LRRC9: variants seen among roughly 807,000 people sequenced by gnomAD.
LRRC9 encodes the protein leucine rich repeat containing 9.
Under a neutral mutation model 63.2 loss-of-function variants are expected in LRRC9, and 122 were observed. The ratio of observed to expected loss-of-function variants is 1.93; its 90% CI spans 1.67 to 2.24. The LOEUF is 2.24. LRRC9 is among the 30% of genes most tolerant of loss of function. The probability of loss-of-function intolerance (pLI) is 0.00; values close to 1 mark genes in which losing one functional copy is unlikely to be tolerated. For synonymous variants in LRRC9, 366 were observed against 213.1 expected, an observed-to-expected ratio of 1.72 and a Z score of -6.25; for missense variants, 1,071 against 627.7, an observed-to-expected ratio of 1.71 and a Z score of -7.55.
chr14:60,057,862 T>C lies in LRRC9; in HGVS notation c.4132-16T>C. The stretch of plus-strand genomic sequence containing the variant: ...TGGAGATGAGATGTTATTAACTGTT[T>C]TATTTTATTATGTAGCTTATTCCTG... On this transcript the variant is annotated splice_polypyrimidine_tract_variant and intron_variant, in intron 30 of 31. Transcript: ENST00000445360. 3.1e-6 allele frequency: 2 copies of C among 642,912 alleles called. No individual in the cohort carries two copies. Among genetic ancestry groups the C allele is most frequent in the South Asian group, 1.7e-5 (1 of 58,994 alleles). 39.8% of individuals were successfully genotyped at this position (642,912 alleles called of 1,614,324 possible).
At chr14:59,965,926 T>G (rs1249102488) in intron 10 of LRRC9, among the ~76,000 whole-genome samples, 1 of 74,368 alleles carries the variant, frequency 1.3e-5, no homozygotes, top group Non-Finnish European at 2.9e-5. Context: ...AAAAAGATAC[T>G]GGTGAGGAAG....
At chr14:60,023,006 A>G (rs1891233591) in intron 27 of LRRC9, 136 bp downstream of exon 27, 3 of 404,190 alleles carry the variant, frequency 7.4e-6, no homozygotes, top group Non-Finnish European at 1.3e-5. Flanking sequence ...ATAATCACAA[A>G]TTGATTTTTC....
chr14:60,007,261 T>C (rs976866948), intron 22 of LRRC9, among the ~76,000 whole-genome samples: 1 of 152,144 alleles, frequency 6.6e-6, no homozygotes, highest in Non-Finnish European at 1.5e-5. Context: ...TCCCCCAGTA[T>C]AATTACTACT....
In LRRC9 at chr14:59,953,331, A is replaced by G. The variant is rs567252797; in HGVS notation, c.883-6487A>G. On this transcript the variant is annotated intron_variant, in intron 8 of 31. Transcript: ENST00000445360. ...CCTCTCCAGCATCTGTTGTTTCCTG[A>G]CTTTTTAATAATCACCACTCTAACA... Among the ~76,000 whole-genome samples, 15 of 152,248 alleles carry G rather than the reference A, an allele frequency of 9.9e-5. No homozygotes were observed. The South Asian group carries it at 3.1e-3, about 32-fold the overall frequency.
chr14:60,010,056 T>C (rs1334666049), intron 23 of LRRC9, among the ~76,000 whole-genome samples: 1 of 152,138 alleles, frequency 6.6e-6, no homozygotes, highest in Non-Finnish European at 1.5e-5. Flanking sequence ...AGGTGCACGG[T>C]GCAAGCTGTG....
chr14:59,956,820 C>T (rs1047863085), intron 8 of LRRC9, among the ~76,000 whole-genome samples: 2 of 152,036 alleles, frequency 1.3e-5, no homozygotes, highest in African/African-American at 4.8e-5. Flanking sequence ...GTAAGGCAGG[C>T]CTGGTGGTGA....
chr14:59,977,765 G>GATTTATATAATTAAAAAGT (rs1886465500), intron 14 of LRRC9, among the ~76,000 whole-genome samples: 1 of 151,910 alleles, frequency 6.6e-6, no homozygotes, highest in African/African-American at 2.4e-5. Flanking sequence ...GTAGTGAAAG[G>GATTTATATAATTAAAAAGT]ATTTATATAA....
intron 17 of LRRC9, among the ~76,000 whole-genome samples, chr14:59,991,785 GC>G (rs1888147464): frequency 6.6e-5 from 2 of 30,224 alleles, no homozygotes; most frequent in Non-Finnish European, 1.4e-4. Flanking sequence ...GCCCGCCATT[GC>G]CCAGGCTTCA....
chr14:59,928,978 C>T (rs757545113), intron 3 of LRRC9, among the ~76,000 whole-genome samples: 2 of 151,654 alleles, frequency 1.3e-5, no homozygotes, highest in Non-Finnish European at 3.0e-5. Flanking sequence ...CCTGGAACAC[C>T]ACCTAGGCAA....
At chr14:59,955,099 A>G (rs930089071) in intron 8 of LRRC9, among the ~76,000 whole-genome samples, 3 of 151,934 alleles carry the variant, frequency 2.0e-5, no homozygotes, top group African/African-American at 7.3e-5. Context: ...TTGGCCTGAT[A>G]TTTTCTTTTT....
At chr14:59,943,304 T>C (rs1000647646) in intron 7 of LRRC9, among the ~76,000 whole-genome samples, 1 of 152,132 alleles carries the variant, frequency 6.6e-6, no homozygotes, top group African/African-American at 2.4e-5. Context: ...TTTAAGTCCA[T>C]TTTTTGAGTT....
At chr14:60,038,775 T>C (rs921316335) in intron 29 of LRRC9, among the ~76,000 whole-genome samples, 3 of 152,334 alleles carry the variant, frequency 2.0e-5, no homozygotes, top group South Asian at 2.1e-4. Context: ...TCTTGCCTGA[T>C]TGCCCTGGCC....
chr14:59,920,049 C>T (rs559943200), intron 1 of LRRC9, 95 bp from the exon 1 acceptor site: 2 of 152,178 alleles, frequency 1.3e-5, no homozygotes, highest in East Asian at 1.9e-4. Context: ...GCTTCCCCCC[C>T]ACCCTTTTAT....
At chr14:59,992,215 C>T (rs2140154789) in intron 17 of LRRC9, among the ~76,000 whole-genome samples, 1 of 152,270 alleles carries the variant, frequency 6.6e-6, no homozygotes, top group East Asian at 1.9e-4. Context: ...CTGGAGTGGA[C>T]CTCCAGCAAA....
Position 60,008,886 on chromosome 14 carries a change from T to A in LRRC9, c.3186+672T>A, listed in dbSNP as rs550087646. ...TTCATGATCATTTAGTATTCTGAGG[T>A]ACTCCAAGAAGATTACTAATCCTAG... On this transcript the variant is annotated intron_variant, in intron 23 of 31. Coordinates refer to ENST00000445360, the Ensembl canonical transcript of LRRC9. Among the ~76,000 whole-genome samples, 11 of 152,310 alleles carry A rather than the reference T, an allele frequency of 7.2e-5. No individual in the cohort carries two copies. In the East Asian group the frequency reaches 2.1e-3, roughly 29 times the overall value.
At chr14:59,979,759 T>C (rs903866041) in intron 15 of LRRC9, among the ~76,000 whole-genome samples, 4 of 140,012 alleles carry the variant, frequency 2.9e-5, no homozygotes, top group South Asian at 2.2e-4. Flanking sequence ...TAGGTGGGAA[T>C]TGAACAATGA....
chr14:59,954,224 T>C (rs1215755324), intron 8 of LRRC9, among the ~76,000 whole-genome samples: 1 of 152,228 alleles, frequency 6.6e-6, no homozygotes, highest in Non-Finnish European at 1.5e-5. Context: ...TTGATGGGAA[T>C]AGCACTGAAT....
At chr14:59,989,803 G>T (rs575869857) in intron 17 of LRRC9, among the ~76,000 whole-genome samples, 3 of 152,158 alleles carry the variant, frequency 2.0e-5, no homozygotes, top group African/African-American at 7.2e-5. Flanking sequence ...TAAGGTTCAG[G>T]AAAGTTTTTC....
rs1346187844 is a variant in LRRC9, at chr14:60,051,461, C to T, written c.3991-1604C>T. 6.6e-6 allele frequency among the ~76,000 whole-genome samples: 1 copy of T among 152,224 alleles called. No individual in the cohort carries two copies. Among genetic ancestry groups the T allele is most frequent in the African/African-American group, 2.4e-5 (1 of 41,460 alleles). The stretch of plus-strand genomic sequence containing the variant: ...AGGCTGGAACGCTGACTTGACTGAA[C>T]CACAGAAATGGCTGCCACCCTTTCC... On this transcript the variant is annotated intron_variant, in intron 29 of 31. Coordinates refer to ENST00000445360, the Ensembl canonical transcript of LRRC9. This position sits in a 1 kb window ranked among gnomAD's most constrained non-coding sequence, Gnocchi z 4.7.
Sources: allele counts gnomAD v4.1 joint callset (sites outside exome capture counted in the v4.1 genomes callset), GRCh38; gene constraint gnomAD v4.1.1; non-coding constraint Gnocchi (gnomAD v3.1); transcripts MANE v1.5; gene names NCBI Gene and HGNC (gene_info 2026-07-23, HGNC 2026-07-21).